Variants in GPC6 observed in about 807,000 individuals in gnomAD.
The protein encoded by GPC6 is glypican-6.
In GPC6, 14 loss-of-function variants were observed where a neutral mutation model predicts 55.2. The ratio of observed to expected loss-of-function variants is 0.25; its 90% CI spans 0.17 to 0.40. The LOEUF (loss-of-function observed/expected upper bound fraction) is 0.40, where lower values mean the gene tolerates loss of function less well. Among genes scored for constraint, GPC6 ranks in the 10% least tolerant of loss-of-function variants. The pLI, the probability that GPC6 is intolerant of heterozygous loss-of-function variation, is 1.00. For missense variants in GPC6, 641 were observed against 708.5 expected (o/e 0.90, Z 1.08); for synonymous variants, 278 against 259.6 (o/e 1.07, Z -0.68).
chr13:93,911,406 CTGTGTGTGTGTGTGTG>C (rs10566353), intron 3 of GPC6, among the ~76,000 whole-genome samples: 1 of 149,920 alleles, frequency 6.7e-6, no homozygotes, highest in African/African-American at 2.5e-5. Flanking sequence ...AGATAATTGA[CTGTGTGTGTGTGTGTG>C]TGTGTGTGTG....
intron 3 of GPC6, among the ~76,000 whole-genome samples, chr13:93,941,216 T>G (rs1169994158): frequency 6.6e-6 from 1 of 152,172 alleles, no homozygotes; most frequent in Non-Finnish European, 1.5e-5. Flanking sequence ...CAACATAAAA[T>G]AGAAATCTTG....
chr13:94,344,663 A>T lies in GPC6; in HGVS notation c.1153-37751A>T, dbSNP rs143663311. ...ACAGACCGAATCCCTTCCCAGGAGT[A>T]TCTCCAGCCCCCGCTAACACCGAGC... is the stretch of plus-strand genomic sequence containing the variant. On this transcript the variant is annotated intron_variant, in intron 6 of 8. Transcript: ENST00000377047. 7.6e-3 allele frequency among the ~76,000 whole-genome samples: 1,165 copies of T among 152,354 alleles called. 14 individuals are homozygous for T. Among genetic ancestry groups the T allele is most frequent in the African/African-American group, 0.026 (1,069 of 41,592 alleles).
chr13:93,757,898 G>A (rs1044682290), intron 2 of GPC6, among the ~76,000 whole-genome samples: 1 of 152,090 alleles, frequency 6.6e-6, no homozygotes, highest in Non-Finnish European at 1.5e-5. Context: ...GGATAATTAG[G>A]GTTTCTATTT....
At chr13:93,599,222 T>C (rs1877900494) in intron 2 of GPC6, among the ~76,000 whole-genome samples, 1 of 151,974 alleles carries the variant, frequency 6.6e-6, no homozygotes, top group East Asian at 1.9e-4. Flanking sequence ...TTTATAGATA[T>C]ACATATTTTA....
intron 1 of GPC6, among the ~76,000 whole-genome samples, chr13:93,417,844 AAAAAAAT>A (rs1443502977): frequency 2.0e-5 from 3 of 152,028 alleles, no homozygotes; most frequent in South Asian, 2.1e-4. Context: ...GGTTTTGGAC[AAAAAAAT>A]AAAAAATAAA....
chr13:93,814,276 T>C (rs1449858678), intron 2 of GPC6, among the ~76,000 whole-genome samples: 1 of 152,182 alleles, frequency 6.6e-6, no homozygotes, highest in Non-Finnish European at 1.5e-5. Flanking sequence ...TCTAGAAAAA[T>C]GTTAAGCAGA....
At chr13:93,419,209 G>A (rs75616870) in intron 1 of GPC6, among the ~76,000 whole-genome samples, 3,037 of 151,424 alleles carry the variant, frequency 0.02, 117 homozygotes, top group African/African-American at 0.069. Flanking sequence ...CAACATCTGG[G>A]TAAAAATGGG....
intron 1 of GPC6, among the ~76,000 whole-genome samples, chr13:93,233,028 A>G (rs1234676207): frequency 6.6e-6 from 1 of 152,182 alleles, no homozygotes; most frequent in Non-Finnish European, 1.5e-5. Context: ...ACAGTGATTT[A>G]ATATTCTTTT....
At chr13:94,281,617 A>T (rs1263551497) in intron 4 of GPC6, among the ~76,000 whole-genome samples, 1 of 152,208 alleles carries the variant, frequency 6.6e-6, no homozygotes, top group African/African-American at 2.4e-5. Flanking sequence ...GGGGAAGGTA[A>T]ACATTCAGGA....
chr13:93,376,904 T>A (rs1043195761), intron 1 of GPC6, among the ~76,000 whole-genome samples: 1 of 152,166 alleles, frequency 6.6e-6, no homozygotes, highest in Non-Finnish European at 1.5e-5. Context: ...TCGTGAATGC[T>A]TATATTAGGA....
chr13:93,689,316 G>C (rs1188054190), intron 2 of GPC6, among the ~76,000 whole-genome samples: 1 of 152,056 alleles, frequency 6.6e-6, no homozygotes, highest in Non-Finnish European at 1.5e-5. Flanking sequence ...CTACTTCTCA[G>C]ATATGTTTTT....
intron 2 of GPC6, among the ~76,000 whole-genome samples, chr13:93,630,987 A>G (rs1273100722): frequency 6.6e-6 from 1 of 152,154 alleles, no homozygotes; most frequent in Non-Finnish European, 1.5e-5. Flanking sequence ...TCCTCATGAG[A>G]AAAGAAAATG....
chr13:93,858,812 G>A (rs9652105), intron 3 of GPC6, among the ~76,000 whole-genome samples: 9,492 of 151,350 alleles, frequency 0.063, 933 homozygotes, highest in African/African-American at 0.21. Flanking sequence ...AGAATAGGAG[G>A]AGAGTCACTG....
At chr13:93,663,727 A>C (rs1056551547) in intron 2 of GPC6, among the ~76,000 whole-genome samples, 14 of 152,228 alleles carry the variant, frequency 9.2e-5, no homozygotes, top group African/African-American at 3.4e-4. Context: ...TTGTCTACAC[A>C]ACAAGAAGTT....
At position 93,227,516 on chromosome 13, in the gene GPC6, C is replaced by T. The variant is rs1369671456; in HGVS notation, c.60C>T (p.Pro20=). ...LPLLGLLLSL[P]AGADVKARSC... ...TCTTGGGGCTGCTGCTCTCCCTCCC[C>T]GCCGGGGCGGATGTGAAGGCTCGGA... is the stretch of plus-strand genomic sequence containing the variant. The change falls in exon 1 of 9, where the codon CCC becomes CCT. Residue 20 remains proline (P), a synonymous_variant. Coordinates refer to ENST00000377047, the MANE Select transcript of GPC6 (RefSeq NM_005708.5). This position sits in a 1 kb window ranked among gnomAD's most constrained non-coding sequence, Gnocchi z 4.3. 4 of 1,613,876 alleles carry T rather than the reference C, an allele frequency of 2.5e-6. No homozygotes were observed. The highest frequency in any genetic ancestry group is 1.7e-5 in the Admixed American group (1 of 60,028).
intron 1 of GPC6, among the ~76,000 whole-genome samples, chr13:93,261,937 C>G (rs1224710532): frequency 2.8e-5 from 4 of 144,984 alleles, no homozygotes; most frequent in African/African-American, 9.8e-5. Flanking sequence ...CACACACACA[C>G]ACACACACAC....
intron 4 of GPC6, among the ~76,000 whole-genome samples, chr13:94,166,622 T>C (rs1468370004): frequency 2.6e-5 from 4 of 152,276 alleles, no homozygotes; most frequent in African/African-American, 9.6e-5. Flanking sequence ...GCACCATACA[T>C]TATAGCTATC....
chr13:94,366,043 T>C (rs903111648), intron 6 of GPC6, among the ~76,000 whole-genome samples: 1 of 152,208 alleles, frequency 6.6e-6, no homozygotes. Context: ...TCCCTGAAGA[T>C]GAAATTTCAA....
intron 1 of GPC6, among the ~76,000 whole-genome samples, chr13:93,312,535 A>G (rs958986162): frequency 6.6e-6 from 1 of 152,158 alleles, no homozygotes; most frequent in African/African-American, 2.4e-5. Context: ...AAGACTTGGC[A>G]TAATTTTACA....
Sources: allele counts gnomAD v4.1 joint callset (sites outside exome capture counted in the v4.1 genomes callset), GRCh38; gene constraint gnomAD v4.1.1; non-coding constraint Gnocchi (gnomAD v3.1); transcripts MANE v1.5; gene names NCBI Gene and HGNC (gene_info 2026-07-23, HGNC 2026-07-21).